Variants in CPQ observed in about 807,000 individuals in gnomAD.
CPQ encodes carboxypeptidase Q.
In CPQ, 37 loss-of-function variants were observed where a neutral mutation model predicts 45.7. The observed-to-expected ratio is 0.81, with a 90% CI of 0.62 to 1.07. CPQ has a LOEUF of 1.07. Among genes scored for constraint, CPQ ranks in the 50% least tolerant of loss-of-function variants. The pLI is 0.00. For missense variants in CPQ, 537 were observed against 572.9 expected (o/e 0.94, Z 0.64); for synonymous variants, 186 against 205.8 (o/e 0.90, Z 0.82).
At chr8:96,923,341 C>A (rs1421731261) in intron 4 of CPQ, among the ~76,000 whole-genome samples, 1 of 152,156 alleles carries the variant, frequency 6.6e-6, no homozygotes, top group Non-Finnish European at 1.5e-5. Context: ...CCCCCATTAG[C>A]CCATGAAATG....
intron 7 of CPQ, among the ~76,000 whole-genome samples, chr8:97,135,298 T>C (rs2130627237): frequency 6.6e-6 from 1 of 152,272 alleles, no homozygotes; most frequent in Admixed American, 6.5e-5. Flanking sequence ...TGTCCTTTGT[T>C]TTCCTTTCAT....
chr8:96,792,438 T>A (rs1810860618), intron 2 of CPQ, among the ~76,000 whole-genome samples: 1 of 152,238 alleles, frequency 6.6e-6, no homozygotes, highest in South Asian at 2.1e-4. Context: ...ACACAGCAGG[T>A]CATTGAGTAT....
chr8:96,881,092 T>C (rs1265939953), intron 4 of CPQ, among the ~76,000 whole-genome samples: 4 of 152,192 alleles, frequency 2.6e-5, no homozygotes, highest in African/African-American at 2.4e-5. Flanking sequence ...AAACCAATAG[T>C]TAATACTTAT....
chr8:96,657,776 T>C (rs1397366866), intron 1 of CPQ, among the ~76,000 whole-genome samples: 1 of 152,234 alleles, frequency 6.6e-6, no homozygotes, highest in Non-Finnish European at 1.5e-5. Flanking sequence ...CTTAGCCCTC[T>C]GGTTTAGCCC....
chr8:96,847,118 C>T (rs1349531674), intron 3 of CPQ, among the ~76,000 whole-genome samples: 1 of 152,188 alleles, frequency 6.6e-6, no homozygotes, highest in Non-Finnish European at 1.5e-5. Context: ...AATTTGATCA[C>T]TTGTCTAAGG....
At chr8:97,040,508 T>C (rs1247201850) in intron 6 of CPQ, among the ~76,000 whole-genome samples, 3 of 152,250 alleles carry the variant, frequency 2.0e-5, no homozygotes, top group Admixed American at 6.5e-5. Context: ...TTTGTCAATT[T>C]TGGCTTTTGT....
chr8:97,015,417 T>TAAA (rs570902004), intron 5 of CPQ, among the ~76,000 whole-genome samples: 7 of 145,294 alleles, frequency 4.8e-5, no homozygotes, highest in Middle Eastern at 3.2e-3. Flanking sequence ...CAATTTAAAT[T>TAAA]AAAAAAAAAA....
intron 4 of CPQ, among the ~76,000 whole-genome samples, chr8:96,938,741 T>C (rs889808123): frequency 2.0e-5 from 3 of 152,098 alleles, no homozygotes; most frequent in African/African-American, 4.8e-5. Flanking sequence ...AGAAAACCTA[T>C]TGATGTAGTC....
chr8:96,942,540 A>G (rs1048195048), intron 4 of CPQ, among the ~76,000 whole-genome samples: 2 of 152,180 alleles, frequency 1.3e-5, no homozygotes, highest in African/African-American at 4.8e-5. Context: ...TAGGTCAAAC[A>G]ACCTATGGCT....
At chr8:97,109,612 C>A (rs112950874) in intron 7 of CPQ, among the ~76,000 whole-genome samples, 1 of 152,096 alleles carries the variant, frequency 6.6e-6, no homozygotes, top group Non-Finnish European at 1.5e-5. Flanking sequence ...TCAGTGATTC[C>A]CCCTTTGGCC....
chr8:97,047,945 A>G (rs1260378354), intron 6 of CPQ, among the ~76,000 whole-genome samples: 1 of 152,170 alleles, frequency 6.6e-6, no homozygotes, highest in African/African-American at 2.4e-5. Flanking sequence ...ATGCATGTAT[A>G]TGTCTGTTTT....
At position 97,122,927 on chromosome 8, in the gene CPQ, T is replaced by TAAATAAAATA. The variant is rs1313373275; in HGVS notation, c.1256-20048_1256-20039dup. Among the ~76,000 whole-genome samples the TAAATAAAATA allele has an allele frequency of 4.3e-3, 167 of 38,834 alleles. 7 individuals are homozygous for TAAATAAAATA. The highest frequency in any genetic ancestry group is 0.012 in the East Asian group (17 of 1,426). The allele number at this position is 38,834 out of a possible 152,430, so 25.5% of individuals were successfully genotyped here. On this transcript the variant is annotated intron_variant, in intron 7 of 7. Transcript: ENST00000220763. ...TAAAATAAAATAAAATAAAATAAAA[T>TAAATAAAATA]AAATAAAATAAAATAAAATAAAATA...
chr8:96,778,176 T>C (rs1810640816), intron 1 of CPQ, among the ~76,000 whole-genome samples: 1 of 152,118 alleles, frequency 6.6e-6, no homozygotes, highest in East Asian at 1.9e-4. Context: ...TTCTGTGTTT[T>C]AAAAATACCT....
chr8:96,707,003 AGGCCCAG>A (rs1809538384), intron 1 of CPQ, among the ~76,000 whole-genome samples: 1 of 152,134 alleles, frequency 6.6e-6, no homozygotes, highest in Non-Finnish European at 1.5e-5. Flanking sequence ...TTCTTATGAT[AGGCCCAG>A]AATTTATTTG....
rs192474868 is a variant in CPQ, at chr8:97,006,156, T to C, written c.962-23247T>C. On this transcript the variant is annotated intron_variant, in intron 5 of 7. Coordinates refer to ENST00000220763, the MANE Select transcript of CPQ (RefSeq NM_016134.4). The stretch of plus-strand genomic sequence containing the variant: ...ACCTGTGGTTTTTTTGTGGGGTTAT[T>C]TGCTCTTGTAGAATAAGGCTCTCAG... 1.7e-3 allele frequency among the ~76,000 whole-genome samples: 253 copies of C among 152,298 alleles called. 3 individuals carry two copies. Among genetic ancestry groups the C allele is most frequent in the Admixed American group, 0.013 (196 of 15,286 alleles).
intron 3 of CPQ, among the ~76,000 whole-genome samples, chr8:96,864,522 T>C (rs961409561): frequency 5.3e-5 from 8 of 151,944 alleles, no homozygotes; most frequent in African/African-American, 1.7e-4. Context: ...AGAGAGCCAA[T>C]TGGCCCAAGA....
At chr8:96,815,301 C>T (rs1248338177) in intron 2 of CPQ, among the ~76,000 whole-genome samples, 1 of 151,990 alleles carries the variant, frequency 6.6e-6, no homozygotes, top group Non-Finnish European at 1.5e-5. Flanking sequence ...ATGTTTTAAT[C>T]TACATTGGTT....
chr8:96,842,691 T>C (rs892850101), intron 3 of CPQ, among the ~76,000 whole-genome samples: 3 of 152,170 alleles, frequency 2.0e-5, no homozygotes, highest in Non-Finnish European at 4.4e-5. Flanking sequence ...TTCTTATTAT[T>C]GTATCAGGTA....
intron 1 of CPQ, among the ~76,000 whole-genome samples, chr8:96,687,515 C>A (rs976612200): frequency 3.9e-5 from 6 of 151,974 alleles, no homozygotes; most frequent in Admixed American, 2.6e-4. Context: ...GGCCACATGC[C>A]ATTTTTCTAA....
Sources: allele counts gnomAD v4.1 joint callset (sites outside exome capture counted in the v4.1 genomes callset), GRCh38; gene constraint gnomAD v4.1.1; transcripts MANE v1.5; gene names NCBI Gene and HGNC (gene_info 2026-07-23, HGNC 2026-07-21).